The following MYOF variants were observed in gnomAD, a reference collection of about 807,000 sequenced individuals.
The protein encoded by MYOF is myoferlin.
In MYOF, 244 loss-of-function variants were observed where a neutral mutation model predicts 284.2. The observed-to-expected ratio is 0.86, with a 90% CI of 0.77 to 0.95. MYOF has a LOEUF of 0.95. MYOF is among the 40% of genes least tolerant of loss of function. The pLI, the probability that MYOF is intolerant of heterozygous loss-of-function variation, is 0.00. For missense variants in MYOF, 2,496 were observed against 2,560.6 expected, an observed-to-expected ratio of 0.97 and a Z score of 0.54; for synonymous variants, 904 against 919.7, an observed-to-expected ratio of 0.98 and a Z score of 0.31.
chr10:93,444,498 A>G (rs888634496), intron 3 of MYOF, among the ~76,000 whole-genome samples: 6 of 152,226 alleles, frequency 3.9e-5, no homozygotes, highest in Non-Finnish European at 7.3e-5. Context: ...TTGCTCACAC[A>G]GACTCCTTTT....
At position 93,374,967 on chromosome 10, in the gene MYOF, A is replaced by T. The variant is rs753344654; in HGVS notation, c.2109-12T>A. The T allele has an allele frequency of 5.6e-6, 9 of 1,602,612 alleles. No individual in the cohort carries two copies. The highest frequency in any genetic ancestry group is 8.5e-7 in the Non-Finnish European group (1 of 1,176,044). Reference sequence around the variant, plus strand: ...GAGGCAACGTGTATCTAGAAAAATGAAGAAAAAAAGAAACAGAGGATTTGA... The same window carrying T: ...GAGGCAACGTGTATCTAGAAAAATGTAGAAAAAAAGAAACAGAGGATTTGA... On this transcript the variant is annotated splice_polypyrimidine_tract_variant and intron_variant, in intron 22 of 53. Coordinates refer to ENST00000359263, the MANE Select transcript of MYOF (RefSeq NM_013451.4).
rs1842123286 is a variant in MYOF at position 93,306,879 on chromosome 10, A to G, written c.*84T>C. 1 of 1,420,036 alleles carries G rather than the reference A, an allele frequency of 7.0e-7. No individual in the cohort carries two copies. The highest frequency in any genetic ancestry group is 1.8e-5 in the Admixed American group (1 of 56,698). The allele number at this position is 1,420,036 out of a possible 1,614,324, so 88.0% of individuals were successfully genotyped here. On this transcript the variant is annotated 3_prime_UTR_variant, in exon 54 of 54. Coordinates refer to ENST00000359263, the MANE Select transcript of MYOF (RefSeq NM_013451.4). ...ACCTGCTACTGGGGTGTGGTCTCAG[A>G]CACAAAATCACACTGGATGTTGGTC...
chr10:93,459,077 C>A (rs877256), intron 1 of MYOF, among the ~76,000 whole-genome samples: 1 of 152,196 alleles, frequency 6.6e-6, no homozygotes, highest in Non-Finnish European at 1.5e-5. Context: ...CGCTCCTCGT[C>A]GGCTTGTGCC....
intron 1 of MYOF, among the ~76,000 whole-genome samples, chr10:93,480,861 G>C (rs371096095): frequency 1.3e-5 from 2 of 152,262 alleles, no homozygotes; most frequent in African/African-American, 4.8e-5. Flanking sequence ...GGAAAAACGG[G>C]AAACAGAAAG....
chr10:93,360,715 A>G (rs1202556573), intron 28 of MYOF, among the ~76,000 whole-genome samples: 1 of 152,256 alleles, frequency 6.6e-6, no homozygotes, highest in East Asian at 1.9e-4. Context: ...AAGCTATATC[A>G]GTAGTCTGCA....
At chr10:93,387,231 C>G (rs1421473995) in intron 19 of MYOF, among the ~76,000 whole-genome samples, 1 of 152,202 alleles carries the variant, frequency 6.6e-6, no homozygotes, top group Non-Finnish European at 1.5e-5. Flanking sequence ...AGCTGGGGGG[C>G]TGGCGGTGAT....
intron 38 of MYOF, among the ~76,000 whole-genome samples, chr10:93,341,197 G>A (rs1470023102): frequency 6.6e-6 from 1 of 152,020 alleles, no homozygotes; most frequent in Non-Finnish European, 1.5e-5. Context: ...CATTCTCAAT[G>A]GTTCCTGAGA....
At chr10:93,374,588 C>A (rs1845749412) in intron 23 of MYOF, among the ~76,000 whole-genome samples, 175 bp downstream of exon 23, 1 of 152,234 alleles carries the variant, frequency 6.6e-6, no homozygotes, top group African/African-American at 2.4e-5. Flanking sequence ...TGATTTCAAT[C>A]ACATTCATCA....
intron 13 of MYOF, 63 bp from the exon 14 acceptor site, chr10:93,397,519 C>T: frequency 8.3e-7 from 1 of 1,198,674 alleles, no homozygotes; most frequent in Non-Finnish European, 1.2e-6. Flanking sequence ...AGTTTACAAT[C>T]TATGCATACT....
At chr10:93,393,360 G>A (rs1207578132) in intron 16 of MYOF, among the ~76,000 whole-genome samples, 1 of 152,192 alleles carries the variant, frequency 6.6e-6, no homozygotes, top group African/African-American at 2.4e-5. Flanking sequence ...GCAAAGGCCT[G>A]GAGTTTATTG....
chr10:93,445,656 T>C (rs2056409037), intron 3 of MYOF, among the ~76,000 whole-genome samples: 1 of 152,204 alleles, frequency 6.6e-6, no homozygotes, highest in African/African-American at 2.4e-5. Flanking sequence ...CCACAGGCGC[T>C]GTGAGCCTGG....
Position 93,323,348 on chromosome 10 carries a change from T to TGAA in MYOF, c.5279_5281dup (p.Leu1760dup). The TGAA allele has an allele frequency of 1.9e-6, 3 of 1,611,034 alleles. No individual in the cohort carries two copies. The highest frequency in any genetic ancestry group is 2.5e-6 in the Non-Finnish European group (3 of 1,177,584). On this transcript the variant is annotated inframe_insertion, in exon 47 of 54. Transcript: ENST00000359263. Reference sequence around the variant, plus strand: ...CTTGGGGAAAACATCCACCCACATCTGAAGTTTTCCCTAAACCATTTGAAA... The same window carrying TGAA: ...CTTGGGGAAAACATCCACCCACATCTGAAGAAGTTTTCCCTAAACCATTTGAAA...
chr10:93,332,355 T>C (rs1379212420), intron 43 of MYOF, among the ~76,000 whole-genome samples: 1 of 151,878 alleles, frequency 6.6e-6, no homozygotes, highest in Non-Finnish European at 1.5e-5. Flanking sequence ...CCTGAGTAGC[T>C]GGGATTACAG....
chr10:93,450,290 G>A (rs888452979), intron 3 of MYOF, among the ~76,000 whole-genome samples: 1 of 152,208 alleles, frequency 6.6e-6, no homozygotes, highest in East Asian at 1.9e-4. Context: ...TACTCAGGAG[G>A]CTGAGGCAGG....
chr10:93,477,032 T>C lies in MYOF; in HGVS notation c.88+5075A>G. The stretch of plus-strand genomic sequence containing the variant: ...ACAACTACGTACCCAAGGAGATGGA[T>C]GTTTTATGTGAATGTAATGTTGCCA... On this transcript the variant is annotated intron_variant, in intron 1 of 53. Transcript: ENST00000359263. Among the ~76,000 whole-genome samples the C allele has an allele frequency of 1.3e-5, 2 of 152,218 alleles. 1 individual carries two copies.
intron 51 of MYOF, among the ~76,000 whole-genome samples, chr10:93,310,857 C>A (rs146104898): frequency 6.6e-6 from 1 of 152,172 alleles, no homozygotes; most frequent in Non-Finnish European, 1.5e-5. Context: ...AATTGCTTCC[C>A]CCACTCCCTA....
At position 93,401,451 on chromosome 10, in the gene MYOF, G is replaced by C; in HGVS notation, c.1084C>G (p.Leu362Val). The C allele has an allele frequency of 6.2e-7, 1 of 1,614,136 alleles. No homozygotes were observed. The highest frequency in any genetic ancestry group is 8.5e-7 in the Non-Finnish European group (1 of 1,180,014). Residue 362 changes from leucine to valine, a missense_variant, in exon 12 of 54, where the codon CTG (leucine) becomes GTG (valine). Leu to Val is a conservative substitution (Grantham distance 32). Around this residue, in one of 3 missense-constraint regions of MYOF, gnomAD observed 2,436 missense variants for 2,480.7 expected, o/e 0.98. Coordinates refer to ENST00000359263, the MANE Select transcript of MYOF (RefSeq NM_013451.4). The part of the protein sequence containing the change: ...GIALRWVTFL[L>V]KIYRAEDIPQ... ...ATGTCCTCAGCTCGGTAGATTTTCA[G>C]CAAGAAGGTCACCCACCGGAGGGCA...
At chr10:93,472,158 CTGAGCTAATGCAGCAAGTG>C (rs888643786) in intron 1 of MYOF, among the ~76,000 whole-genome samples, 30 of 152,308 alleles carry the variant, frequency 2.0e-4, no homozygotes, top group Non-Finnish European at 3.4e-4. Flanking sequence ...AATTCTCACT[CTGAGCTAATGCAGCAAGTG>C]TGAGCTGAAA....
chr10:93,323,214 C>G, intron 47 of MYOF, 41 bp from the exon 48 acceptor site: 1 of 1,613,646 alleles, frequency 6.2e-7, no homozygotes, highest in Non-Finnish European at 8.5e-7. Context: ...TTTTCTGGTC[C>G]TGGACCAAGT....
Sources: gnomAD v4.1 joint callset for allele counts (sites outside exome capture counted in the v4.1 genomes callset) on GRCh38, gnomAD v4.1.1 for gene constraint, gnomAD v4.1.1 regional missense constraint, MANE v1.5 for transcripts, NCBI Gene and HGNC (gene_info 2026-07-23, HGNC 2026-07-21) for gene names.